Variants in ZMAT4 observed in about 807,000 individuals in gnomAD.
The protein encoded by ZMAT4 is zinc finger matrin-type protein 4.
ZMAT4 carries 17 observed loss-of-function variants against 28.7 expected under a neutral mutation model. The observed-to-expected ratio is 0.59, with a 90% CI of 0.41 to 0.89. The LOEUF is 0.89. Among genes scored for constraint, ZMAT4 ranks in the 40% least tolerant of loss-of-function variants. ZMAT4 has a pLI of 0.00. For synonymous variants in ZMAT4, 117 were observed against 109.2 expected, an observed-to-expected ratio of 1.07 and a Z score of -0.44; for missense variants, 240 against 283.8, an observed-to-expected ratio of 0.85 and a Z score of 1.11.
At chr8:40,563,147 G>T (rs560571687) in intron 6 of ZMAT4, among the ~76,000 whole-genome samples, 5 of 152,080 alleles carry the variant, frequency 3.3e-5, no homozygotes, top group Non-Finnish European at 7.4e-5. Flanking sequence ...AATGTTCTTA[G>T]GCCCCTCAAA....
intron 5 of ZMAT4, among the ~76,000 whole-genome samples, chr8:40,604,094 C>CCTAG (rs1805495929): frequency 1.3e-5 from 2 of 152,128 alleles, no homozygotes; most frequent in Non-Finnish European, 2.9e-5. Context: ...TTACTGAATT[C>CCTAG]ATTTATCAGA....
intron 5 of ZMAT4, among the ~76,000 whole-genome samples, chr8:40,618,023 A>G (rs148670245): frequency 2.6e-5 from 4 of 152,264 alleles, no homozygotes; most frequent in East Asian, 1.9e-4. Context: ...CACACTCTCT[A>G]CCTTTAGAAG....
intron 1 of ZMAT4, among the ~76,000 whole-genome samples, chr8:40,864,719 A>G (rs1228467795): frequency 1.3e-5 from 2 of 152,182 alleles, no homozygotes; most frequent in African/African-American, 4.8e-5. Context: ...ATGCACTGTG[A>G]TGGTATAACT....
At chr8:40,887,505 A>AG (rs1163074985) in intron 1 of ZMAT4, among the ~76,000 whole-genome samples, 3 of 151,128 alleles carry the variant, frequency 2.0e-5, no homozygotes, top group Admixed American at 2.0e-4. Flanking sequence ...AAAAAAAAAA[A>AG]GTATGTTTTC....
intron 6 of ZMAT4, among the ~76,000 whole-genome samples, chr8:40,559,126 A>G (rs780962206): frequency 6.6e-6 from 1 of 152,168 alleles, no homozygotes; most frequent in African/African-American, 2.4e-5. Context: ...ACCACCAGAC[A>G]CTGACTAACT....
At chr8:40,547,415 T>C (rs376972262) in intron 6 of ZMAT4, among the ~76,000 whole-genome samples, 40 of 152,204 alleles carry the variant, frequency 2.6e-4, no homozygotes, top group Non-Finnish European at 5.1e-4. Flanking sequence ...AGCATTTCAC[T>C]GTTTGGAAAT....
chr8:40,647,122 G>A lies in ZMAT4; in HGVS notation c.577+27582C>T, dbSNP rs529893285. Among the ~76,000 whole-genome samples the A allele has an allele frequency of 5.3e-5, 8 of 152,310 alleles. No homozygotes were observed. The South Asian group carries it at 8.3e-4, about 16-fold the overall frequency. ...CCGGTCTACAGCTCCCAGCGTGAGC[G>A]ACGCAGAAGACGGGTGATTTCTGCA... On this transcript the variant is annotated intron_variant, in intron 5 of 6. Coordinates refer to ENST00000297737, the MANE Select transcript of ZMAT4 (RefSeq NM_024645.3).
At chr8:40,883,323 C>A (rs1264259710) in intron 1 of ZMAT4, among the ~76,000 whole-genome samples, 1 of 152,194 alleles carries the variant, frequency 6.6e-6, no homozygotes, top group Admixed American at 6.5e-5. Context: ...TTTCCTATTT[C>A]TTTTCCTGTA....
chr8:40,775,560 A>C (rs1339581195), intron 2 of ZMAT4, among the ~76,000 whole-genome samples: 1 of 152,228 alleles, frequency 6.6e-6, no homozygotes, highest in Non-Finnish European at 1.5e-5. Context: ...CAGCTCAAAC[A>C]GAGGCAGTGT....
At chr8:40,821,180 C>G (rs1418122105) in intron 2 of ZMAT4, among the ~76,000 whole-genome samples, 2 of 151,944 alleles carry the variant, frequency 1.3e-5, no homozygotes, top group Non-Finnish European at 2.9e-5. Context: ...GAAAACCACT[C>G]CTTCATTCAT....
chr8:40,800,387 G>A (rs540158123), intron 2 of ZMAT4, among the ~76,000 whole-genome samples: 10 of 152,140 alleles, frequency 6.6e-5, no homozygotes, highest in Admixed American at 2.6e-4. Flanking sequence ...ATTAATCAAT[G>A]GAATATAATG....
At chr8:40,705,141 T>A (rs566357345) in intron 3 of ZMAT4, among the ~76,000 whole-genome samples, 56 of 152,342 alleles carry the variant, frequency 3.7e-4, no homozygotes, top group African/African-American at 1.3e-3. Context: ...TTGAAGAATT[T>A]TGTTTGCCTT....
chr8:40,844,004 G>A (rs187524951), intron 1 of ZMAT4, among the ~76,000 whole-genome samples: 1 of 152,278 alleles, frequency 6.6e-6, no homozygotes, highest in Admixed American at 6.5e-5. Flanking sequence ...AACTGGAAAT[G>A]GAACAATTCA....
intron 2 of ZMAT4, among the ~76,000 whole-genome samples, chr8:40,809,633 T>C (rs1815240633): frequency 6.6e-6 from 1 of 152,210 alleles, no homozygotes; most frequent in African/African-American, 2.4e-5. Context: ...TTATGTGTGT[T>C]CTCATGGTTT....
intron 2 of ZMAT4, 122 bp downstream of exon 2, chr8:40,825,453 C>T: frequency 1.3e-6 from 1 of 785,236 alleles, no homozygotes; most frequent in Non-Finnish European, 2.1e-6. Context: ...ACTGTACAGG[C>T]TCAAGTCCTG....
intron 3 of ZMAT4, among the ~76,000 whole-genome samples, chr8:40,721,299 G>T (rs1303404648): frequency 7.4e-5 from 10 of 135,586 alleles, no homozygotes; most frequent in African/African-American, 2.8e-4. Flanking sequence ...CCCTACAAAG[G>T]ACATGAACTC....
At chr8:40,775,042 T>C (rs952565838) in intron 2 of ZMAT4, among the ~76,000 whole-genome samples, 9 of 152,230 alleles carry the variant, frequency 5.9e-5, no homozygotes, top group Non-Finnish European at 1.2e-4. Flanking sequence ...TTACAAGTTT[T>C]CAGTGAACAG....
intron 3 of ZMAT4, among the ~76,000 whole-genome samples, chr8:40,710,529 T>C (rs1383147639): frequency 2.6e-5 from 4 of 151,760 alleles, no homozygotes; most frequent in African/African-American, 9.7e-5. Context: ...TTAAAAACAA[T>C]GACAAACTCT....
chr8:40,813,123 T>A (rs1169211371), intron 2 of ZMAT4, among the ~76,000 whole-genome samples: 1 of 151,938 alleles, frequency 6.6e-6, no homozygotes, highest in Non-Finnish European at 1.5e-5. Flanking sequence ...ACAAAAATAT[T>A]CCATACTTTA....
Sources: gnomAD v4.1 joint callset for allele counts (sites outside exome capture counted in the v4.1 genomes callset) on GRCh38, gnomAD v4.1.1 for gene constraint, MANE v1.5 for transcripts, NCBI Gene and HGNC (gene_info 2026-07-23, HGNC 2026-07-21) for gene names.